Variants in CDC42 observed in about 807,000 individuals in gnomAD.
The protein encoded by CDC42 is cell division cycle 42.
A neutral mutation model predicts 20.8 loss-of-function variants in CDC42; 1 was observed. The ratio of observed to expected loss-of-function variants is 0.05; its 90% CI spans 0.02 to 0.23. The LOEUF (loss-of-function observed/expected upper bound fraction) is 0.23, where lower values mean the gene tolerates loss of function less well. Among genes scored for constraint, CDC42 ranks in the 10% least tolerant of loss-of-function variants. The pLI is 1.00. For missense variants in CDC42, 49 were observed against 227.9 expected (o/e 0.21, Z 5.05); for synonymous variants, 72 against 84.8 (o/e 0.85, Z 0.83).
At chr1:22,077,611 G>A (rs755550958) in intron 1 of CDC42, among the ~76,000 whole-genome samples, 1 of 152,042 alleles carries the variant, frequency 6.6e-6, no homozygotes, top group Non-Finnish European at 1.5e-5. Context: ...TTTCATAGAA[G>A]TCAAAATGTG....
Position 22,059,697 on chromosome 1 carries a change from C to T in CDC42, c.-51+6955C>T, listed in dbSNP as rs41266027. ...TAGCTGGGATTACAGGCGCACACCA[C>T]CATGCCTGGCTAATTTTTGTATTTT... On this transcript the variant is annotated intron_variant, in intron 1 of 5. Transcript: ENST00000656825. The T allele has an allele frequency of 3.3e-3, 496 of 152,310 alleles. 2 individuals are homozygous for T. Among genetic ancestry groups the T allele is most frequent in the Non-Finnish European group, 4.7e-3 (318 of 68,116 alleles). 9.4% of individuals were successfully genotyped at this position (152,310 alleles called of 1,614,324 possible). A position where few individuals can be genotyped will look rare whatever the true frequency, so the allele number is the denominator to read the frequency against.
At chr1:22,090,559 T>C (rs1645705568) in intron 5 of CDC42, 1 of 987,104 alleles carries the variant, frequency 1.0e-6, no homozygotes. Flanking sequence ...CTGTCTGTGC[T>C]GTAGTGGAGT....
chr1:22,076,145 G>A (rs910166681), intron 1 of CDC42, among the ~76,000 whole-genome samples: 1 of 152,096 alleles, frequency 6.6e-6, no homozygotes, highest in Non-Finnish European at 1.5e-5. Context: ...ACAGTATAGT[G>A]TAATGTAATG....
chr1:22,079,139 C>CTTTTTTTT (rs10609742), intron 2 of CDC42, among the ~76,000 whole-genome samples: 6 of 116,738 alleles, frequency 5.1e-5, no homozygotes, highest in Non-Finnish European at 8.5e-5. Flanking sequence ...TTCTTTTTTT[C>CTTTTTTTT]TTTTTTTTTT....
chr1:22,053,860 A>G (rs1645265904), intron 1 of CDC42, among the ~76,000 whole-genome samples: 1 of 152,218 alleles, frequency 6.6e-6, no homozygotes, highest in South Asian at 2.1e-4. Context: ...AGTTTGTGTC[A>G]GGGAATAAAG....
intron 1 of CDC42, among the ~76,000 whole-genome samples, chr1:22,054,531 A>G (rs912445707): frequency 6.6e-5 from 10 of 152,188 alleles, no homozygotes; most frequent in African/African-American, 2.4e-4. Flanking sequence ...AGTATCACAC[A>G]AAAATGTTGA....
At chr1:22,083,352 C>T (rs1344432651) in intron 3 of CDC42, among the ~76,000 whole-genome samples, 2 of 151,862 alleles carry the variant, frequency 1.3e-5, no homozygotes, top group Non-Finnish European at 2.9e-5. Flanking sequence ...CCTGTAATTG[C>T]AGCACTTTGG....
rs71016987 is a variant in CDC42, at chr1:22,091,793, GT to G, written c.*296del. On this transcript the variant is annotated 3_prime_UTR_variant, in exon 6 of 6. Coordinates refer to ENST00000656825, the MANE Select transcript of CDC42 (RefSeq NM_001791.4). ...AAAAAAAAAATTTTTGTGTGTGTGT[GT>G]TTTTTTTTTTTTTTTTTTTGTTGTT... The G allele has an allele frequency of 3.0e-4, 27 of 90,206 alleles. No homozygotes were observed. Among genetic ancestry groups the G allele is most frequent in the Non-Finnish European group, 4.2e-4 (22 of 51,770 alleles). The allele number at this position is 90,206 out of a possible 1,614,324, so 5.6% of individuals were successfully genotyped here. A position where few individuals can be genotyped will look rare whatever the true frequency, so the allele number is the denominator to read the frequency against.
At chr1:22,062,222 C>G (rs1645374029) in intron 1 of CDC42, among the ~76,000 whole-genome samples, 1 of 152,196 alleles carries the variant, frequency 6.6e-6, no homozygotes, top group Non-Finnish European at 1.5e-5. Context: ...AGGCGTGAGC[C>G]TCCATGCCTG....
chr1:22,078,499 T>G lies in CDC42; in HGVS notation c.21T>G (p.Val7=). The G allele has an allele frequency of 3.1e-6, 5 of 1,611,944 alleles. No homozygotes were observed. The highest frequency in any genetic ancestry group is 1.3e-5 in the African/African-American group (1 of 74,982). MQTIKC[V]VVGDGAVGKT... is the part of the protein sequence containing the mutation. ...CAGCAATGCAGACAATTAAGTGTGTTGTTGTGGGCGATGGTGCTGTTGGTA... is the reference window on the plus strand; with the variant it reads ...CAGCAATGCAGACAATTAAGTGTGTGGTTGTGGGCGATGGTGCTGTTGGTA... The change falls in exon 2 of 6, where the codon GTT becomes GTG. Residue 7 remains valine (V), a synonymous_variant. Transcript: ENST00000656825.
In CDC42 at chr1:22,097,039, CT is replaced by C. The variant is rs1040060438; in HGVS notation, c.*5527del. Among the ~76,000 whole-genome samples the C allele has an allele frequency of 2.6e-5, 4 of 152,150 alleles. No homozygotes were observed. The highest frequency in any genetic ancestry group is 2.6e-4 in the Admixed American group (4 of 15,272). ...ACTGGGTGGGGAACAATTTGTAATC[CT>C]TTTTAGTTCATATGTCACAATCACA... On this transcript the variant is annotated 3_prime_UTR_variant, in exon 6 of 6. Coordinates refer to ENST00000656825, the MANE Select transcript of CDC42 (RefSeq NM_001791.4).
rs79394333 is a variant in CDC42, at chr1:22,065,702, G to T, written c.-50-12727G>T. On this transcript the variant is annotated intron_variant, in intron 1 of 5. Transcript: ENST00000656825. ...AGAAGTGAAGTAACTTGCCAGGATC[G>T]TACACATTGAGGTGGAGCTAAGATT... 1.8e-4 allele frequency among the ~76,000 whole-genome samples: 26 copies of T among 145,188 alleles called. No individual in the cohort carries two copies. The East Asian group carries it at 4.6e-3, about 26-fold the overall frequency.
At chr1:22,085,035 C>T (rs1645647252) in intron 3 of CDC42, among the ~76,000 whole-genome samples, 1 of 151,932 alleles carries the variant, frequency 6.6e-6, no homozygotes, top group Non-Finnish European at 1.5e-5. Flanking sequence ...AGTTTAAGAC[C>T]AGCCTGGCCA....
At chr1:22,064,189 TAAAAAAAC>T (rs1466601111) in intron 1 of CDC42, 3 of 151,906 alleles carry the variant, frequency 2.0e-5, no homozygotes, top group Admixed American at 1.3e-4. Context: ...TGTAGGGCAT[TAAAAAAAC>T]AAAAAAACAA....
intron 2 of CDC42, among the ~76,000 whole-genome samples, chr1:22,081,254 G>T (rs923815365): frequency 1.3e-5 from 2 of 152,084 alleles, no homozygotes; most frequent in African/African-American, 4.8e-5. Flanking sequence ...CTCTCAAATG[G>T]GCTTGTTTAT....
intron 1 of CDC42, among the ~76,000 whole-genome samples, chr1:22,065,883 C>G (rs1009014372): frequency 2.4e-4 from 36 of 152,052 alleles, no homozygotes; most frequent in African/African-American, 7.7e-4. Context: ...CTCAGCCTCC[C>G]GAGTAGCTGG....
intron 1 of CDC42, among the ~76,000 whole-genome samples, chr1:22,069,780 T>TTTTGTTTGTTTG (rs142132504): frequency 6.7e-6 from 1 of 149,092 alleles, no homozygotes; most frequent in African/African-American, 2.4e-5. Context: ...GTAGAGGTTT[T>TTTTGTTTGTTTG]TTTGTTTGTT....
In CDC42 at chr1:22,086,433, T is replaced by A. The variant is rs778139162; in HGVS notation, c.179-6T>A. The A allele has an allele frequency of 6.4e-7, 1 of 1,574,790 alleles. No individual in the cohort carries two copies. The highest frequency in any genetic ancestry group is 1.4e-5 in the African/African-American group (1 of 73,498). On this transcript the variant is annotated splice_polypyrimidine_tract_variant and splice_region_variant and intron_variant, in intron 3 of 5. Transcript: ENST00000656825. The stretch of plus-strand genomic sequence containing the variant: ...GAATTCTCTCCAATATTTTTCTTTT[T>A]TCTAGGGCAAGAGGATTATGACAGA...
At chr1:22,070,648 C>G (rs1214465290) in intron 1 of CDC42, among the ~76,000 whole-genome samples, 2 of 151,322 alleles carry the variant, frequency 1.3e-5, no homozygotes, top group East Asian at 3.9e-4. Context: ...GTATTTTTAA[C>G]AGAGGCAGGG....
Sources: gnomAD v4.1 joint callset for allele counts (sites outside exome capture counted in the v4.1 genomes callset) on GRCh38, gnomAD v4.1.1 for gene constraint, MANE v1.5 for transcripts, NCBI Gene and HGNC (gene_info 2026-07-23, HGNC 2026-07-21) for gene names.